ZNF438: variants seen among roughly 807,000 people sequenced by gnomAD.
ZNF438 encodes zinc finger protein 438.
A neutral mutation model predicts 38.0 loss-of-function variants in ZNF438; 25 were observed. That is an observed-to-expected ratio of 0.66 (90% CI 0.48 to 0.92). The LOEUF (loss-of-function observed/expected upper bound fraction) is 0.92, where lower values mean the gene tolerates loss of function less well. Ranked by LOEUF, ZNF438 falls within the 40% of genes least tolerant of loss-of-function variation. The pLI is 0.00. For synonymous variants in ZNF438, 372 were observed against 364.1 expected, an observed-to-expected ratio of 1.02 and a Z score of -0.25; for missense variants, 1,007 against 999.6, an observed-to-expected ratio of 1.01 and a Z score of -0.10.
At chr10:30,844,774 A>G in exon 6 of ZNF438, 1 of 721,910 alleles carries the variant, frequency 1.4e-6, no homozygotes, top group Non-Finnish European at 2.2e-6. Context: ...ATATAGTTAG[A>G]AAAATATGCT....
At chr10:30,976,055 T>G (rs930232099) in intron 1 of ZNF438, among the ~76,000 whole-genome samples, 2 of 151,992 alleles carry the variant, frequency 1.3e-5, no homozygotes, top group African/African-American at 4.8e-5. Context: ...AATTTAAAGT[T>G]AAAAAAATAT....
rs115154721 is a variant in ZNF438, at chr10:30,859,885, G to A, written c.38-9518C>T. Among the ~76,000 whole-genome samples the A allele has an allele frequency of 3.9e-3, 591 of 152,216 alleles. 3 individuals carry two copies. The highest frequency in any genetic ancestry group is 0.017 in the Middle Eastern group (5 of 294). ...TAAAGTAGTGTTTCTATTTTGAAACGTAAATGAAGGAAAGAGAAAAGAAAT... is the reference window on the plus strand; with the variant it reads ...TAAAGTAGTGTTTCTATTTTGAAACATAAATGAAGGAAAGAGAAAAGAAAT... On this transcript the variant is annotated intron_variant, in intron 4 of 5. Transcript: ENST00000413025.
intron 2 of ZNF438, among the ~76,000 whole-genome samples, chr10:30,932,633 C>T (rs1324198357): frequency 6.6e-6 from 1 of 152,148 alleles, no homozygotes; most frequent in Non-Finnish European, 1.5e-5. Context: ...TGCCCTTAAC[C>T]ATTACTCTGC....
chr10:31,012,881 G>A (rs574713735), intron 1 of ZNF438, among the ~76,000 whole-genome samples: 4 of 152,256 alleles, frequency 2.6e-5, no homozygotes, highest in African/African-American at 9.6e-5. Context: ...GAAGTAAACT[G>A]AGGGAATCTG....
At chr10:31,021,710 A>G (rs1244044416) in intron 1 of ZNF438, among the ~76,000 whole-genome samples, 1 of 152,230 alleles carries the variant, frequency 6.6e-6, no homozygotes, top group Admixed American at 6.5e-5. Context: ...AAAGCAGCAG[A>G]GACAACTCAC....
At chr10:31,000,162 A>G (rs2054500252) in intron 1 of ZNF438, among the ~76,000 whole-genome samples, 2 of 152,254 alleles carry the variant, frequency 1.3e-5, no homozygotes, top group South Asian at 4.1e-4. Flanking sequence ...TTATACCTGA[A>G]TGTCCCACAA....
intron 1 of ZNF438, among the ~76,000 whole-genome samples, chr10:30,950,710 T>C (rs2048072864): frequency 7.0e-6 from 1 of 142,334 alleles, no homozygotes; most frequent in Non-Finnish European, 1.5e-5. Context: ...AGAAGTTGAA[T>C]CTCTGAATAG....
At chr10:30,937,675 A>T (rs1423548155) in intron 2 of ZNF438, among the ~76,000 whole-genome samples, 1 of 152,224 alleles carries the variant, frequency 6.6e-6, no homozygotes, top group Non-Finnish European at 1.5e-5. Flanking sequence ...TATAAAACAG[A>T]TCATGCTGAG....
At chr10:31,028,777 T>G (rs2057098976) in intron 1 of ZNF438, among the ~76,000 whole-genome samples, 1 of 152,128 alleles carries the variant, frequency 6.6e-6, no homozygotes, top group African/African-American at 2.4e-5. Context: ...CCCTAACATC[T>G]ACTACACAGC....
Position 31,004,243 on chromosome 10 carries a change from T to C in ZNF438, c.-192+27590A>G, listed in dbSNP as rs553210528. On this transcript the variant is annotated intron_variant, in intron 1 of 5. Coordinates refer to ENST00000413025, the Ensembl canonical transcript of ZNF438. ...AAAATTTTCCAGCCCAAAATGTCAA[T>C]AGTGCTGAAGATGACAAACTCTGGG... is the stretch of plus-strand genomic sequence containing the variant. 3.1e-4 allele frequency among the ~76,000 whole-genome samples: 47 copies of C among 152,294 alleles called. No homozygotes were observed. In the South Asian group the frequency reaches 4.6e-3, roughly 15 times the overall value.
At chr10:30,977,083 C>G (rs1414775981) in intron 1 of ZNF438, among the ~76,000 whole-genome samples, 1 of 152,120 alleles carries the variant, frequency 6.6e-6, no homozygotes, top group Non-Finnish European at 1.5e-5. Flanking sequence ...ATATTAACAT[C>G]ATTCTATTAT....
intron 1 of ZNF438, among the ~76,000 whole-genome samples, chr10:31,008,066 T>G (rs1486991107): frequency 6.6e-6 from 1 of 152,244 alleles, no homozygotes; most frequent in Non-Finnish European, 1.5e-5. Context: ...TTTCATTTTA[T>G]GTTTCAACAT....
chr10:30,927,640 G>GTA (rs1276537473), intron 2 of ZNF438, among the ~76,000 whole-genome samples: 1 of 152,228 alleles, frequency 6.6e-6, no homozygotes, highest in Non-Finnish European at 1.5e-5. Context: ...GCCTAATGCA[G>GTA]TAAATTACAG....
At chr10:31,014,435 T>C (rs1589726552) in intron 1 of ZNF438, among the ~76,000 whole-genome samples, 2 of 152,224 alleles carry the variant, frequency 1.3e-5, no homozygotes, top group Non-Finnish European at 2.9e-5. Context: ...AGCTCTCTGG[T>C]GTCTCTTCTT....
intron 1 of ZNF438, among the ~76,000 whole-genome samples, chr10:31,017,366 G>A (rs1179510639): frequency 1.3e-5 from 2 of 152,112 alleles, no homozygotes; most frequent in Non-Finnish European, 1.5e-5. Flanking sequence ...GCTCCAATAG[G>A]GCAGCAAAGA....
At chr10:30,955,454 G>A (rs780648700) in intron 1 of ZNF438, among the ~76,000 whole-genome samples, 1 of 152,182 alleles carries the variant, frequency 6.6e-6, no homozygotes, top group East Asian at 1.9e-4. Context: ...GCTTTAAGAC[G>A]CTGGCAGCGT....
intron 4 of ZNF438, among the ~76,000 whole-genome samples, chr10:30,868,867 T>C (rs1043242391): frequency 6.6e-6 from 1 of 152,256 alleles, no homozygotes; most frequent in Non-Finnish European, 1.5e-5. Context: ...AACTGCTTTC[T>C]ATCAAAGTAC....
chr10:30,993,493 A>G (rs2887738), intron 1 of ZNF438, among the ~76,000 whole-genome samples: 15,250 of 152,300 alleles, frequency 0.1, 919 homozygotes, highest in African/African-American at 0.17. Flanking sequence ...ACAAGGTGCT[A>G]ATTCTGCAGC....
intron 1 of ZNF438, among the ~76,000 whole-genome samples, chr10:30,977,671 G>A (rs2051541223): frequency 1.3e-5 from 2 of 152,082 alleles, no homozygotes; most frequent in African/African-American, 4.8e-5. Flanking sequence ...AAACTCTAGG[G>A]GATCCATTCC....
Sources: allele counts gnomAD v4.1 joint callset (sites outside exome capture counted in the v4.1 genomes callset), GRCh38; gene constraint gnomAD v4.1.1; transcripts MANE v1.5; gene names NCBI Gene and HGNC (gene_info 2026-07-23, HGNC 2026-07-21).